Variants in FILIP1 observed in about 807,000 individuals in gnomAD.
FILIP1 encodes filamin-A-interacting protein 1.
Under a neutral mutation model 102.1 loss-of-function variants are expected in FILIP1, and 61 were observed. The observed-to-expected ratio is 0.60, with a 90% confidence interval of 0.49 to 0.74. The LOEUF is 0.74. Ranked by LOEUF, FILIP1 falls within the 30% of genes least tolerant of loss-of-function variation. The probability of loss-of-function intolerance (pLI) is 0.00; values close to 1 mark genes in which losing one functional copy is unlikely to be tolerated. For missense variants in FILIP1, 1,314 were observed against 1,441.2 expected (o/e 0.91, Z 1.43); for synonymous variants, 491 against 526.9 (o/e 0.93, Z 0.93).
chr6:75,401,476 C>A (rs918155585), intron 2 of FILIP1, among the ~76,000 whole-genome samples: 1 of 152,030 alleles, frequency 6.6e-6, no homozygotes, highest in Non-Finnish European at 1.5e-5. Flanking sequence ...AGATTAGTAC[C>A]TTGTTTGTTT....
chr6:75,385,796 T>C (rs1776075391), intron 2 of FILIP1: 1 of 152,036 alleles, frequency 6.6e-6, no homozygotes, highest in African/African-American at 2.4e-5. Context: ...GCACTCTGGT[T>C]AAGCATGTTA....
chr6:75,339,925 G>A lies in FILIP1; in HGVS notation c.629+13614C>T, dbSNP rs188335622. ...ATCACACCACTGCACTCCAGCCTGG[G>A]CAACAGAGCAAGACTCTGTCTAAAA... On this transcript the variant is annotated intron_variant, in intron 4 of 5. Coordinates refer to ENST00000237172, the MANE Select transcript of FILIP1 (RefSeq NM_015687.5). Among the ~76,000 whole-genome samples the A allele has an allele frequency of 3.2e-3, 491 of 152,204 alleles. 3 individuals are homozygous for A. The highest frequency in any genetic ancestry group is 0.011 in the African/African-American group (469 of 41,528).
intron 2 of FILIP1, among the ~76,000 whole-genome samples, chr6:75,403,524 A>AAAAAGAAAG (rs1554208658): frequency 7.4e-5 from 10 of 134,730 alleles, no homozygotes; most frequent in Non-Finnish European, 1.1e-4. Context: ...CAAAAAAAAA[A>AAAAAGAAAG]AAAAAAGAAA....
chr6:75,326,124 TATACACACAC>T (rs993160330), intron 4 of FILIP1, among the ~76,000 whole-genome samples: 1 of 139,614 alleles, frequency 7.2e-6, no homozygotes, highest in African/African-American at 2.6e-5. Context: ...GATAGATAGA[TATACACACAC>T]ACACACACAC....
intron 1 of FILIP1, among the ~76,000 whole-genome samples, chr6:75,444,943 T>G (rs936112340): frequency 6.6e-6 from 1 of 152,214 alleles, no homozygotes; most frequent in Non-Finnish European, 1.5e-5. Flanking sequence ...TAAGTGTTGC[T>G]TATATCACCT....
intron 1 of FILIP1, among the ~76,000 whole-genome samples, chr6:75,467,824 T>C (rs998890965): frequency 6.6e-6 from 1 of 152,160 alleles, no homozygotes; most frequent in Non-Finnish European, 1.5e-5. Context: ...GTGCTGCTAA[T>C]AAATGTTGGG....
intron 4 of FILIP1, among the ~76,000 whole-genome samples, chr6:75,344,070 C>A (rs1281336344): frequency 6.6e-6 from 1 of 152,210 alleles, no homozygotes; most frequent in Non-Finnish European, 1.5e-5. Context: ...CAGTGCTTGT[C>A]ATCCCTTCAG....
chr6:75,319,699 G>A (rs1222177813), intron 4 of FILIP1: 10 of 335,666 alleles, frequency 3.0e-5, no homozygotes, highest in Non-Finnish European at 5.1e-5. Flanking sequence ...GCGTAGCGGC[G>A]GGCGCCTGTA....
At chr6:75,410,480 T>C (rs1225766822) in intron 2 of FILIP1, among the ~76,000 whole-genome samples, 1 of 152,096 alleles carries the variant, frequency 6.6e-6, no homozygotes, top group Non-Finnish European at 1.5e-5. Flanking sequence ...ACATGTGCCA[T>C]GGTGGCTTCC....
At chr6:75,438,377 C>CTTT (rs1426385212) in intron 1 of FILIP1, among the ~76,000 whole-genome samples, 2 of 152,152 alleles carry the variant, frequency 1.3e-5, no homozygotes, top group Non-Finnish European at 2.9e-5. Flanking sequence ...TCTTATCCTC[C>CTTT]TTTATTTCAC....
chr6:75,388,730 T>A (rs886157201), intron 2 of FILIP1, among the ~76,000 whole-genome samples: 25 of 152,312 alleles, frequency 1.6e-4, no homozygotes, highest in Admixed American at 1.2e-3. Context: ...TGATTTTGTA[T>A]CTTAGACTTT....
intron 2 of FILIP1, among the ~76,000 whole-genome samples, chr6:75,402,915 T>C (rs928055142): frequency 1.3e-5 from 2 of 152,302 alleles, no homozygotes; most frequent in East Asian, 1.9e-4. Context: ...ATAGGGTGTA[T>C]AAATATTAGA....
intron 2 of FILIP1, among the ~76,000 whole-genome samples, chr6:75,377,325 G>A (rs1775780671): frequency 6.6e-6 from 1 of 152,202 alleles, no homozygotes; most frequent in East Asian, 1.9e-4. Flanking sequence ...TACAAGGCCT[G>A]TTTAAAATGC....
intron 2 of FILIP1, among the ~76,000 whole-genome samples, chr6:75,395,004 C>G (rs905482140): frequency 6.6e-6 from 1 of 152,072 alleles, no homozygotes; most frequent in African/African-American, 2.4e-5. Flanking sequence ...CTTAAATGTC[C>G]TGCAACAGGA....
intron 2 of FILIP1, among the ~76,000 whole-genome samples, chr6:75,383,912 T>C (rs1002900855): frequency 6.6e-6 from 1 of 152,188 alleles, no homozygotes; most frequent in Non-Finnish European, 1.5e-5. Context: ...TATTATACTT[T>C]ATAAATTCTC....
rs1399783286 is a variant in FILIP1 at position 75,440,617 on chromosome 6, C to A, written c.-6-25639G>T. 3.9e-5 allele frequency among the ~76,000 whole-genome samples: 6 copies of A among 152,268 alleles called. No individual in the cohort carries two copies. In the East Asian group the frequency reaches 9.7e-4, roughly 24 times the overall value. On this transcript the variant is annotated intron_variant, in intron 1 of 5. Coordinates refer to ENST00000237172, the MANE Select transcript of FILIP1 (RefSeq NM_015687.5). ...GAGGGCTCACTGGGAAATGCCCCCA[C>A]CAATTTACCACGCTGGTCTTTGACT...
At chr6:75,433,112 A>G (rs1777885178) in intron 1 of FILIP1, among the ~76,000 whole-genome samples, 1 of 152,176 alleles carries the variant, frequency 6.6e-6, no homozygotes, top group South Asian at 2.1e-4. Context: ...AGTCTTTGCT[A>G]TTGTGAATAG....
At chr6:75,381,235 A>ATT (rs34565744) in intron 2 of FILIP1, among the ~76,000 whole-genome samples, 169 of 146,692 alleles carry the variant, frequency 1.2e-3, no homozygotes, top group African/African-American at 3.9e-3. Context: ...ATTAGATACA[A>ATT]TTTTTTTTTT....
intron 1 of FILIP1, among the ~76,000 whole-genome samples, chr6:75,444,615 AGTCT>A (rs1778387262): frequency 6.6e-6 from 1 of 152,124 alleles, no homozygotes; most frequent in Non-Finnish European, 1.5e-5. Context: ...TTTTACAGTC[AGTCT>A]ATCACTTGAC....
Sources: allele counts gnomAD v4.1 joint callset (sites outside exome capture counted in the v4.1 genomes callset), GRCh38; gene constraint gnomAD v4.1.1; transcripts MANE v1.5; gene names NCBI Gene and HGNC (gene_info 2026-07-23, HGNC 2026-07-21).